The following RIN2 variants were observed in gnomAD, a reference collection of about 807,000 sequenced individuals.
RIN2 encodes RAB5 interacting protein 2.
A neutral mutation model predicts 78.0 loss-of-function variants in RIN2; 36 were observed. That is an observed-to-expected ratio of 0.46 (90% CI 0.35 to 0.61). RIN2 has a LOEUF of 0.61. Among genes scored for constraint, RIN2 ranks in the 20% least tolerant of loss-of-function variants. RIN2 has a pLI of 0.00. For missense variants in RIN2, 1,087 were observed against 1,159.7 expected (o/e 0.94, Z 0.91); for synonymous variants, 466 against 466.8 (o/e 1.00, Z 0.02).
At chr20:19,954,363 G>A (rs1183820811) in intron 4 of RIN2, among the ~76,000 whole-genome samples, 2 of 152,284 alleles carry the variant, frequency 1.3e-5, no homozygotes, top group East Asian at 1.9e-4. Context: ...AAACCTGCTT[G>A]TTTGGACATG....
chr20:19,823,359 G>T, intron 2 of RIN2: 2 of 608,896 alleles, frequency 3.3e-6, no homozygotes, highest in Non-Finnish European at 2.9e-6. Context: ...GAGCAAGTGA[G>T]TGAATGGTGG....
At chr20:19,980,701 C>G (rs2235895) in intron 9 of RIN2, among the ~76,000 whole-genome samples, 107,708 of 152,028 alleles carry the variant, frequency 0.71, 38,216 homozygotes, top group African/African-American at 0.77. Context: ...TTAGGGCACA[C>G]CTATGTTTTT....
At chr20:19,945,187 G>A (rs898163157) in intron 4 of RIN2, among the ~76,000 whole-genome samples, 1 of 152,204 alleles carries the variant, frequency 6.6e-6, no homozygotes, top group African/African-American at 2.4e-5. Context: ...GCAGTGCTGA[G>A]GCTCTGATTC....
At chr20:19,805,602 A>G (rs1338837596) in intron 2 of RIN2, among the ~76,000 whole-genome samples, 1 of 152,106 alleles carries the variant, frequency 6.6e-6, no homozygotes. Context: ...GGGTTTCGCC[A>G]CGTTGGCCAG....
rs186518536 is a variant in RIN2 at position 19,930,427 on chromosome 20, G to A, written c.58-4672G>A. ...TCCAGCCAACAGCATCGGCAAGAGC[G>A]GTACCCAGACAAAAACAGCCTGGCT... On this transcript the variant is annotated intron_variant, in intron 3 of 12. Transcript: ENST00000255006. Among the ~76,000 whole-genome samples the A allele has an allele frequency of 9.8e-4, 149 of 152,284 alleles. 1 individual carries two copies. Among genetic ancestry groups the A allele is most frequent in the African/African-American group, 3.0e-3 (126 of 41,554 alleles).
intron 1 of RIN2, among the ~76,000 whole-genome samples, chr20:19,777,473 T>G (rs1453845892): frequency 8.5e-5 from 13 of 152,244 alleles, no homozygotes; most frequent in Non-Finnish European, 1.9e-4. Flanking sequence ...CACACTCCAG[T>G]TACTATAAAA....
At chr20:19,829,105 G>T (rs538407985) in intron 2 of RIN2, among the ~76,000 whole-genome samples, 1 of 152,168 alleles carries the variant, frequency 6.6e-6, no homozygotes, top group African/African-American at 2.4e-5. Flanking sequence ...TGAATGCTAA[G>T]AGGCTACTGA....
chr20:19,992,158 C>T lies in RIN2; in HGVS notation c.2069-10C>T, dbSNP rs780213836. On this transcript the variant is annotated splice_polypyrimidine_tract_variant and intron_variant, in intron 10 of 12. Coordinates refer to ENST00000255006, the MANE Select transcript of RIN2 (RefSeq NM_018993.4). ...AAAAATATTCCATCTCCTTCTCTTC[C>T]TGCTCTCAGGGAGGATGTATGGCGC... 22 of 1,610,232 alleles carry T rather than the reference C, an allele frequency of 1.4e-5. No homozygotes were observed. The South Asian group carries it at 1.9e-4, about 14-fold the overall frequency.
intron 1 of RIN2, among the ~76,000 whole-genome samples, chr20:19,767,641 T>G (rs1188573144): frequency 2.0e-5 from 3 of 152,024 alleles, no homozygotes; most frequent in Non-Finnish European, 2.9e-5. Context: ...GCGAGGCTCC[T>G]GGCCAGGCGT....
intron 3 of RIN2, among the ~76,000 whole-genome samples, chr20:19,906,775 C>G (rs1188723932): frequency 6.6e-6 from 1 of 152,132 alleles, no homozygotes; most frequent in Non-Finnish European, 1.5e-5. Flanking sequence ...AATGTTGAAA[C>G]TAGTTTAACT....
At chr20:19,892,866 G>T (rs2038542006) in intron 3 of RIN2, among the ~76,000 whole-genome samples, 1 of 152,100 alleles carries the variant, frequency 6.6e-6, no homozygotes, top group African/African-American at 2.4e-5. Context: ...TTGTCACCCA[G>T]TGGCCACCTT....
At chr20:19,851,048 A>AGGAG (rs2036958115) in intron 2 of RIN2, among the ~76,000 whole-genome samples, 1 of 51,604 alleles carries the variant, frequency 1.9e-5, no homozygotes, top group Non-Finnish European at 4.7e-5. Flanking sequence ...GAAGGAAGGA[A>AGGAG]GGAGAAAGAA....
chr20:19,837,379 C>A (rs2036453428), intron 2 of RIN2, among the ~76,000 whole-genome samples: 1 of 152,172 alleles, frequency 6.6e-6, no homozygotes, highest in African/African-American at 2.4e-5. Flanking sequence ...TCTGAGAAAT[C>A]CACAGGGAAG....
At chr20:19,978,748 T>C (rs2042359617) in intron 9 of RIN2, among the ~76,000 whole-genome samples, 1 of 152,204 alleles carries the variant, frequency 6.6e-6, no homozygotes, top group African/African-American at 2.4e-5. Flanking sequence ...GTGCCAGCTC[T>C]CTATTCATTC....
In RIN2 at chr20:19,974,712, T is replaced by C; in HGVS notation, c.687T>C (p.Pro229=). 2 of 1,614,002 alleles carry C rather than the reference T, an allele frequency of 1.2e-6. No homozygotes were observed. The highest frequency in any genetic ancestry group is 2.2e-5 in the South Asian group (2 of 91,078). The change falls in exon 9 of 13, where the codon CCT becomes CCC. Residue 229 remains proline, a synonymous_variant. Transcript: ENST00000255006. ...CGAACCTTCCACCTCCCCATAGGCC[T>C]CTTTCCTCCGACGGTGTCTGTCCTG... ...KPPNLPPPHR[P]LSSDGVCPAS...
At chr20:19,880,220 C>T (rs2037978945) in intron 2 of RIN2, among the ~76,000 whole-genome samples, 1 of 148,762 alleles carries the variant, frequency 6.7e-6, no homozygotes, top group African/African-American at 2.5e-5. Context: ...CACTGTACTC[C>T]ATCCTGGGCA....
chr20:19,959,156 G>A (rs189170448), intron 5 of RIN2, among the ~76,000 whole-genome samples: 27 of 152,296 alleles, frequency 1.8e-4, no homozygotes, highest in Middle Eastern at 3.4e-3. Context: ...ATGATCGAGC[G>A]TGGCTGTATT....
intron 2 of RIN2, among the ~76,000 whole-genome samples, chr20:19,868,733 A>G (rs1184306512): frequency 6.6e-6 from 1 of 152,142 alleles, no homozygotes; most frequent in Non-Finnish European, 1.5e-5. Flanking sequence ...GGGAATAGGT[A>G]ATGAAGGGAA....
intron 1 of RIN2, among the ~76,000 whole-genome samples, chr20:19,796,860 A>G (rs1317680099): frequency 6.6e-6 from 1 of 152,310 alleles, no homozygotes; most frequent in East Asian, 1.9e-4. Context: ...CTTGGGGCCA[A>G]ATCATCCCAT....
Sources: allele counts gnomAD v4.1 joint callset (sites outside exome capture counted in the v4.1 genomes callset), GRCh38; gene constraint gnomAD v4.1.1; transcripts MANE v1.5; gene names NCBI Gene and HGNC (gene_info 2026-07-23, HGNC 2026-07-21).